ARIH1: variants seen among roughly 807,000 people sequenced by gnomAD.
ARIH1 encodes the protein E3 ubiquitin-protein ligase ARIH1.
In ARIH1, 8 loss-of-function variants were observed where a neutral mutation model predicts 85.0. That is an observed-to-expected ratio of 0.09 (90% confidence interval 0.06 to 0.17). The LOEUF (loss-of-function observed/expected upper bound fraction) is 0.17. ARIH1 is among the 10% of genes least tolerant of loss of function. The pLI is 1.00. For synonymous variants in ARIH1, 238 were observed against 253.6 expected (o/e 0.94, Z 0.59); for missense variants, 311 against 718.1 (o/e 0.43, Z 6.48).
chr15:72,552,811 G>A (rs5019636), intron 3 of ARIH1, among the ~76,000 whole-genome samples: 131,796 of 150,034 alleles, frequency 0.88, 60,411 homozygotes, highest in East Asian at 1. Context: ...GTCTCGCTTT[G>A]TCACCCAAGC....
chr15:72,482,695 T>G (rs907984682), intron 1 of ARIH1, among the ~76,000 whole-genome samples: 2 of 152,144 alleles, frequency 1.3e-5, no homozygotes, highest in African/African-American at 4.8e-5. Flanking sequence ...CCCCAAAACT[T>G]AGTGGCTTAA....
At chr15:72,578,673 C>T (rs1347522602) in intron 11 of ARIH1, among the ~76,000 whole-genome samples, 1 of 152,144 alleles carries the variant, frequency 6.6e-6, no homozygotes, top group African/African-American at 2.4e-5. Flanking sequence ...AAAAAATCCA[C>T]ATATAAAGTA....
Position 72,563,462 on chromosome 15 carries a change from T to C in ARIH1, c.873T>C (p.Asp291=). Residue 291 remains aspartate (D), a synonymous_variant, in exon 7 of 14, where the codon GAT becomes GAC. Transcript: ENST00000379887. ...ATGTTGTTAAAGTCCAATATCCTGATGCTAAACCTGTTCGCTGCAAATGTG... is the reference window on the plus strand; with the variant it reads ...ATGTTGTTAAAGTCCAATATCCTGACGCTAAACCTGTTCGCTGCAAATGTG... ...CHHVVKVQYP[D]AKPVRCKCGR... 1.2e-6 allele frequency: 2 copies of C among 1,614,164 alleles called. No homozygotes were observed. The highest frequency in any genetic ancestry group is 1.1e-5 in the South Asian group (1 of 91,084).
At chr15:72,490,373 G>C (rs1411890837) in intron 1 of ARIH1, among the ~76,000 whole-genome samples, 1 of 152,188 alleles carries the variant, frequency 6.6e-6, no homozygotes, top group East Asian at 1.9e-4. Flanking sequence ...AGCAGCCAGG[G>C]AGCGTTACCA....
At chr15:72,541,438 G>A (rs905868899) in intron 2 of ARIH1, among the ~76,000 whole-genome samples, 3 of 152,208 alleles carry the variant, frequency 2.0e-5, no homozygotes, top group African/African-American at 7.2e-5. Flanking sequence ...AAGATACTTT[G>A]TTCTTGGCTA....
At chr15:72,487,570 C>G (rs1179942364) in intron 1 of ARIH1, among the ~76,000 whole-genome samples, 1 of 152,052 alleles carries the variant, frequency 6.6e-6, no homozygotes. Context: ...GAGGCTTTTC[C>G]CCCTTTTATT....
intron 1 of ARIH1, among the ~76,000 whole-genome samples, chr15:72,514,791 A>C (rs2063967231): frequency 6.6e-6 from 1 of 152,008 alleles, no homozygotes; most frequent in African/African-American, 2.4e-5. Flanking sequence ...GGATCATTTG[A>C]GGTCAGGAGT....
rs1158206167 is a variant in ARIH1, at chr15:72,529,198, C to CA, written c.443+11075dup. Among the ~76,000 whole-genome samples, 651 of 140,886 alleles carry CA rather than the reference C, an allele frequency of 4.6e-3. 3 individuals are homozygous for CA. Among genetic ancestry groups the CA allele is most frequent in the Non-Finnish European group, 6.6e-3 (427 of 64,260 alleles). The allele number at this position is 140,886 out of a possible 152,430, so 92.4% of individuals were successfully genotyped here. A position where few individuals can be genotyped will look rare whatever the true frequency, so the allele number is the denominator to read the frequency against. On this transcript the variant is annotated intron_variant, in intron 2 of 13. Transcript: ENST00000379887. ...TGGGCGACAGAGCGAGACTCCGTCT[C>CA]AAAAAAAAAAAGCAAATGTACTATC...
intron 5 of ARIH1, among the ~76,000 whole-genome samples, chr15:72,558,007 C>T (rs2064182182): frequency 1.3e-5 from 2 of 152,092 alleles, no homozygotes; most frequent in African/African-American, 4.8e-5. Flanking sequence ...AGTTTGACTT[C>T]TTTTCTTATT....
At chr15:72,481,727 A>G (rs146691435) in intron 1 of ARIH1, among the ~76,000 whole-genome samples, 18 of 152,290 alleles carry the variant, frequency 1.2e-4, no homozygotes, top group Non-Finnish European at 2.2e-4. Context: ...AACCTAGGCA[A>G]CGTTTACTAG....
intron 1 of ARIH1, among the ~76,000 whole-genome samples, chr15:72,491,033 T>A (rs1026624379): frequency 6.6e-6 from 1 of 152,214 alleles, no homozygotes; most frequent in South Asian, 2.1e-4. Context: ...GGAGAATTGC[T>A]TGAACCTGGG....
At chr15:72,486,832 T>A (rs1029346229) in intron 1 of ARIH1, among the ~76,000 whole-genome samples, 4 of 151,544 alleles carry the variant, frequency 2.6e-5, no homozygotes, top group African/African-American at 9.7e-5. Flanking sequence ...TAGCTGAGAT[T>A]ACAGGCATGC....
intron 1 of ARIH1, among the ~76,000 whole-genome samples, chr15:72,485,740 A>G (rs990701140): frequency 3.9e-5 from 6 of 152,194 alleles, no homozygotes; most frequent in African/African-American, 1.4e-4. Context: ...TAGGCATAGT[A>G]TCATAGGCCA....
chr15:72,542,855 T>G (rs1280152970), intron 2 of ARIH1, among the ~76,000 whole-genome samples: 1 of 152,144 alleles, frequency 6.6e-6, no homozygotes, highest in African/African-American at 2.4e-5. Flanking sequence ...TTTAGCTGGT[T>G]TATGAATTGA....
chr15:72,526,957 T>A (rs1326114022), intron 2 of ARIH1, among the ~76,000 whole-genome samples: 1 of 151,790 alleles, frequency 6.6e-6, no homozygotes, highest in Admixed American at 6.6e-5. Flanking sequence ...TCCATGCCTC[T>A]CCAGATGAAG....
intron 3 of ARIH1, among the ~76,000 whole-genome samples, chr15:72,551,767 TA>T (rs2064153955): frequency 6.6e-6 from 1 of 152,022 alleles, no homozygotes; most frequent in African/African-American, 2.4e-5. Flanking sequence ...ATTTCCTACA[TA>T]AGTAAAAAGC....
At position 72,587,036 on chromosome 15, in the gene ARIH1, A is replaced by G; in HGVS notation, c.*3744A>G. 1 of 368,670 alleles carries G rather than the reference A, an allele frequency of 2.7e-6. No homozygotes were observed. Among genetic ancestry groups the G allele is most frequent in the Non-Finnish European group, 5.2e-6 (1 of 190,946 alleles). 22.8% of individuals were successfully genotyped at this position (368,670 alleles called of 1,614,324 possible). A position where few individuals can be genotyped will look rare whatever the true frequency, so the allele number is the denominator to read the frequency against. ...ACTCTGGCCAAGTCCAGGTTTTAGG[A>G]CAATTTAATTTACTCTTATTTGGAT... On this transcript the variant is annotated 3_prime_UTR_variant, in exon 14 of 14. Transcript: ENST00000379887.
rs1490595766 is a variant in ARIH1, at chr15:72,474,866, C to CCGGCGGTGG, written c.234_242dup (p.Gly88_Gly90dup). On this transcript the variant is annotated inframe_insertion, in exon 1 of 14. Coordinates refer to ENST00000379887, the MANE Select transcript of ARIH1 (RefSeq NM_005744.5). ...GGTGGCGGCGGCAGCGCTCTGGGGCCCGGCGGTGGCGGCGGCGGCGGCGGC... is the reference window on the plus strand; with the variant it reads ...GGTGGCGGCGGCAGCGCTCTGGGGCCCGGCGGTGGCGGCGGTGGCGGCGGCGGCGGCGGC... 8 of 1,418,466 alleles carry CCGGCGGTGG rather than the reference C, an allele frequency of 5.6e-6. No homozygotes were observed. In the South Asian group the frequency reaches 6.3e-5, roughly 11 times the overall value. The allele number at this position is 1,418,466 out of a possible 1,614,324, so 87.9% of individuals were successfully genotyped here. A position where few individuals can be genotyped will look rare whatever the true frequency, so the allele number is the denominator to read the frequency against.
Position 72,593,195 on chromosome 15 carries a change from G to T in ARIH1, c.*9903G>T, listed in dbSNP as rs2064349669. ...TTTTTCATATGCTTATTTTTCATTTGTATATCTTTCAAGAAGTGTCTTTCA... is the reference window on the plus strand; with the variant it reads ...TTTTTCATATGCTTATTTTTCATTTTTATATCTTTCAAGAAGTGTCTTTCA... On this transcript the variant is annotated 3_prime_UTR_variant, in exon 14 of 14. Transcript: ENST00000379887. The T allele has an allele frequency of 6.6e-6, 1 of 151,974 alleles. No individual in the cohort carries two copies. The highest frequency in any genetic ancestry group is 2.4e-5 in the African/African-American group (1 of 41,376). The allele number at this position is 151,974 out of a possible 1,614,324, so 9.4% of individuals were successfully genotyped here.
Sources: gnomAD v4.1 joint callset for allele counts (sites outside exome capture counted in the v4.1 genomes callset) on GRCh38, gnomAD v4.1.1 for gene constraint, MANE v1.5 for transcripts, NCBI Gene and HGNC (gene_info 2026-07-23, HGNC 2026-07-21) for gene names.